Variants in CCDC39 observed in about 807,000 individuals in gnomAD.
CCDC39 encodes the protein coiled-coil domain 39 molecular ruler complex subunit, also known as coiled-coil domain-containing protein 39.
Under a neutral mutation model 121.0 loss-of-function variants are expected in CCDC39, and 113 were observed. That is an observed-to-expected ratio of 0.93 (90% CI 0.80 to 1.09). The LOEUF is 1.09. Among genes scored for constraint, CCDC39 ranks in the 50% least tolerant of loss-of-function variants. The probability of loss-of-function intolerance (pLI) is 0.00; values close to 1 mark genes in which losing one functional copy is unlikely to be tolerated. For missense variants in CCDC39, 1,063 were observed against 1,074.7 expected, an observed-to-expected ratio of 0.99 and a Z score of 0.15; for synonymous variants, 349 against 352.2, an observed-to-expected ratio of 0.99 and a Z score of 0.10.
chr3:180,657,044 C>T (rs1711598633), intron 6 of CCDC39, among the ~76,000 whole-genome samples: 1 of 152,154 alleles, frequency 6.6e-6, no homozygotes, highest in African/African-American at 2.4e-5. Flanking sequence ...CACTTTTACT[C>T]TGTGGATTTG....
At chr3:180,617,463 A>C (rs1023210295) in intron 16 of CCDC39, 1 of 688,634 alleles carries the variant, frequency 1.5e-6, no homozygotes, top group African/African-American at 1.8e-5. Flanking sequence ...GGGCATTGTT[A>C]TCATAGATGA....
chr3:180,624,171 A>G (rs1473801022), intron 14 of CCDC39, among the ~76,000 whole-genome samples: 2 of 152,182 alleles, frequency 1.3e-5, no homozygotes, highest in Admixed American at 6.5e-5. Flanking sequence ...TCATTATATA[A>G]TAACCTTCTT....
At chr3:180,652,318 C>T (rs1711503253) in intron 7 of CCDC39, 52 bp from the exon 8 acceptor site, 2 of 1,101,350 alleles carry the variant, frequency 1.8e-6, no homozygotes, top group Non-Finnish European at 1.3e-6. Flanking sequence ...TATCTTATAA[C>T]TTATTTCATT....
Position 180,617,541 on chromosome 3 carries a change from G to A in CCDC39, c.2266-575C>T, listed in dbSNP as rs761625606. 1.1e-5 allele frequency: 7 copies of A among 619,244 alleles called. No homozygotes were observed. The South Asian group carries it at 1.3e-4, about 11-fold the overall frequency. The allele number at this position is 619,244 out of a possible 1,614,324, so 38.4% of individuals were successfully genotyped here. A position where few individuals can be genotyped will look rare whatever the true frequency, so the allele number is the denominator to read the frequency against. On this transcript the variant is annotated intron_variant, in intron 16 of 19. Transcript: ENST00000476379. ...ACAAGATATGGAGGTGGAAGACAGT[G>A]GTATTGATGATCCTGACCACGGGTA...
chr3:180,668,411 T>C (rs775259466), intron 1 of CCDC39, among the ~76,000 whole-genome samples: 43 of 152,030 alleles, frequency 2.8e-4, no homozygotes, highest in Admixed American at 2.6e-4. Flanking sequence ...AACCAAGGAC[T>C]CTTCCAGACT....
intron 1 of CCDC39, among the ~76,000 whole-genome samples, chr3:180,665,030 G>A (rs767292102): frequency 1.1e-4 from 16 of 152,038 alleles, no homozygotes; most frequent in African/African-American, 2.2e-4. Context: ...TATCTTAAGC[G>A]AACAAGAGCA....
rs577488984 is a variant in CCDC39 at position 180,642,267 on chromosome 3, A to C, written c.1666-66T>G. The C allele has an allele frequency of 1.4e-3, 1,390 of 959,440 alleles. 13 individuals are homozygous for C. The African/African-American group carries it at 0.021, about 14-fold the overall frequency. 59.4% of individuals were successfully genotyped at this position (959,440 alleles called of 1,614,324 possible). A position where few individuals can be genotyped will look rare whatever the true frequency, so the allele number is the denominator to read the frequency against. ...TAATTGCAAAACCAAAATTTTTTTT[A>C]TTGCTATATAAGTAAAACTTGAAAA... On this transcript the variant is annotated intron_variant, in intron 12 of 19. Coordinates refer to ENST00000476379, the MANE Select transcript of CCDC39 (RefSeq NM_181426.2).
Position 180,651,483 on chromosome 3 carries a change from T to C in CCDC39, c.1085A>G (p.Glu362Gly), listed in dbSNP as rs771647169. 3.6e-5 allele frequency: 55 copies of C among 1,543,952 alleles called. No individual in the cohort carries two copies. The highest frequency in any genetic ancestry group is 4.4e-5 in the Non-Finnish European group (50 of 1,142,330). Residue 362 changes from glutamate to glycine, a missense_variant, in exon 9 of 20, where the codon GAG (glutamate) becomes GGG (glycine). Physicochemically the swap from Glu to Gly is moderately conservative, Grantham distance 98. Transcript: ENST00000476379. ...TACAGACATGGTTTTCTCAGTTATCTCCTTTAATTTTGTTTGTATTATCTC... is the reference window on the plus strand; with the variant it reads ...TACAGACATGGTTTTCTCAGTTATCCCCTTTAATTTTGTTTGTATTATCTC... ...HNEIIQTKLK[E>G]ITEKTMSVEE...
At chr3:180,663,760 A>G (rs1576951120) in intron 2 of CCDC39, 107 bp downstream of exon 2, 1 of 1,067,044 alleles carries the variant, frequency 9.4e-7, no homozygotes, top group Non-Finnish European at 1.4e-6. Flanking sequence ...CAATAGTTTA[A>G]TTATGCTAAG....
At chr3:180,639,360 ATGAC>A (rs1179810351) in intron 13 of CCDC39, among the ~76,000 whole-genome samples, 7 of 152,144 alleles carry the variant, frequency 4.6e-5, no homozygotes, top group African/African-American at 1.7e-4. Context: ...TATTCAAACT[ATGAC>A]TGGAAGCAGC....
chr3:180,655,906 C>T (rs895372299), intron 6 of CCDC39, among the ~76,000 whole-genome samples: 5 of 151,996 alleles, frequency 3.3e-5, no homozygotes, highest in African/African-American at 1.2e-4. Context: ...AAAAAATTAC[C>T]CTAATGTGTA....
intron 14 of CCDC39, among the ~76,000 whole-genome samples, chr3:180,627,432 G>A (rs1717590248): frequency 6.6e-6 from 1 of 152,148 alleles, no homozygotes; most frequent in African/African-American, 2.4e-5. Flanking sequence ...TTTTTCAAAT[G>A]AAGGAGTTGA....
At chr3:180,648,493 C>T in intron 9 of CCDC39, 134 bp from the exon 10 acceptor site, 2 of 571,704 alleles carry the variant, frequency 3.5e-6, no homozygotes, top group Non-Finnish European at 5.6e-6. Context: ...TAAAGCTCTT[C>T]CCACAATTTT....
intron 1 of CCDC39, among the ~76,000 whole-genome samples, chr3:180,670,946 T>C (rs1712027636): frequency 6.6e-6 from 1 of 152,066 alleles, no homozygotes; most frequent in South Asian, 2.1e-4. Context: ...ATGCGGTGGC[T>C]CACACCTGTA....
chr3:180,615,989 A>C (rs1717218246), intron 19 of CCDC39, among the ~76,000 whole-genome samples: 1 of 152,178 alleles, frequency 6.6e-6, no homozygotes, highest in Admixed American at 6.5e-5. Context: ...TGCTAGATGT[A>C]GCCCCCAAAT....
At chr3:180,647,003 T>C (rs1446501186) in intron 11 of CCDC39, 76 bp downstream of exon 11, 5 of 1,347,642 alleles carry the variant, frequency 3.7e-6, no homozygotes, top group African/African-American at 2.9e-5. Context: ...CTATCCAAAG[T>C]AGTCTTAAGA....
chr3:180,637,458 G>A (rs1717856994), intron 13 of CCDC39, among the ~76,000 whole-genome samples: 1 of 152,168 alleles, frequency 6.6e-6, no homozygotes, highest in African/African-American at 2.4e-5. Flanking sequence ...AGAGAAAAAG[G>A]AATTCTTATA....
Position 180,651,522 on chromosome 3 carries a change from G to T in CCDC39, c.1046C>A (p.Thr349Asn). 8 of 1,524,000 alleles carry T rather than the reference G, an allele frequency of 5.2e-6. No homozygotes were observed. Among genetic ancestry groups the T allele is most frequent in the Non-Finnish European group, 6.1e-6 (7 of 1,138,774 alleles). 94.4% of individuals were successfully genotyped at this position (1,524,000 alleles called of 1,614,324 possible). ...TTGTATTATCTCATTATGATTTTTA[G>T]TTTTTTGTAACCTGAAGAGGGTTTA... ...IHEETARLQK[T>N]KNHNEIIQTK... The change falls in exon 9 of 20, where the codon ACT (threonine) becomes AAT (asparagine). Residue 349 changes from threonine (T) to asparagine (N), a missense_variant. Coordinates refer to ENST00000476379, the MANE Select transcript of CCDC39 (RefSeq NM_181426.2).
intron 1 of CCDC39, among the ~76,000 whole-genome samples, chr3:180,670,122 G>C (rs866433763): frequency 6.6e-6 from 1 of 152,124 alleles, no homozygotes; most frequent in Middle Eastern, 3.4e-3. Context: ...TAATGCAGAG[G>C]AACAGTAAAG....
Sources: allele counts gnomAD v4.1 joint callset (sites outside exome capture counted in the v4.1 genomes callset), GRCh38; gene constraint gnomAD v4.1.1; transcripts MANE v1.5; gene names NCBI Gene and HGNC (gene_info 2026-07-23, HGNC 2026-07-21).